The following SLC39A9 variants were observed in gnomAD, a reference collection of about 807,000 sequenced individuals.
The protein encoded by SLC39A9 is zinc transporter ZIP9.
SLC39A9 carries 14 observed loss-of-function variants against 28.4 expected under a neutral mutation model. The ratio of observed to expected loss-of-function variants is 0.49; its 90% CI spans 0.33 to 0.77. The LOEUF is 0.77. Ranked by LOEUF, SLC39A9 falls within the 30% of genes least tolerant of loss-of-function variation. SLC39A9 has a pLI of 0.02. For synonymous variants in SLC39A9, 119 were observed against 149.6 expected, an observed-to-expected ratio of 0.80 and a Z score of 1.49; for missense variants, 283 against 381.1, an observed-to-expected ratio of 0.74 and a Z score of 2.14.
chr14:69,431,669 A>G (rs1884501477), intron 2 of SLC39A9, among the ~76,000 whole-genome samples: 3 of 151,908 alleles, frequency 2.0e-5, no homozygotes, highest in African/African-American at 7.3e-5. Context: ...CCCATCACCC[A>G]GGCACTGAGC....
intron 1 of SLC39A9, among the ~76,000 whole-genome samples, chr14:69,405,408 C>G (rs1594898228): frequency 6.6e-6 from 1 of 152,166 alleles, no homozygotes; most frequent in Admixed American, 6.6e-5. Context: ...CTCTTACCCT[C>G]TTATGGTAAT....
rs1304113230 is a variant in SLC39A9 at position 69,459,237 on chromosome 14, G to A, written c.*644G>A. The stretch of plus-strand genomic sequence containing the variant: ...TAGAGGGATTTAAACAGCTCCTTTG[G>A]CACGTGCCTCTCTGAATCCAGCCTG... On this transcript the variant is annotated 3_prime_UTR_variant, in exon 7 of 7. Transcript: ENST00000336643. The A allele has an allele frequency of 1.0e-6, 1 of 985,328 alleles. No homozygotes were observed. Among genetic ancestry groups the A allele is most frequent in the African/African-American group, 1.7e-5 (1 of 57,250 alleles). 61.0% of individuals were successfully genotyped at this position (985,328 alleles called of 1,614,324 possible). A position where few individuals can be genotyped will look rare whatever the true frequency, so the allele number is the denominator to read the frequency against.
At chr14:69,440,690 T>G (rs537491720) in intron 2 of SLC39A9, among the ~76,000 whole-genome samples, 19 of 152,280 alleles carry the variant, frequency 1.2e-4, no homozygotes, top group African/African-American at 3.9e-4. Flanking sequence ...GTTTTGTTTT[T>G]TTGAGACAGA....
rs1885777158 is a variant in SLC39A9 at position 69,454,682 on chromosome 14, G to A, written c.473-130G>A. 1.2e-5 allele frequency: 7 copies of A among 604,888 alleles called. No individual in the cohort carries two copies. In the Admixed American group the frequency reaches 1.8e-4, roughly 16 times the overall value. 37.5% of individuals were successfully genotyped at this position (604,888 alleles called of 1,614,324 possible). On this transcript the variant is annotated intron_variant, in intron 4 of 6. Transcript: ENST00000336643. ...TGAACACATTTTAAAGATAAGGCTG[G>A]CATGTAGAAAGGTTAAGTAACATTA...
At chr14:69,432,020 A>G (rs1340871899) in intron 2 of SLC39A9, among the ~76,000 whole-genome samples, 4 of 152,212 alleles carry the variant, frequency 2.6e-5, no homozygotes, top group Non-Finnish European at 5.9e-5. Context: ...TGTGATGAAC[A>G]TAAGAGTGCA....
chr14:69,421,261 C>T (rs751557163), intron 1 of SLC39A9, among the ~76,000 whole-genome samples: 9 of 152,230 alleles, frequency 5.9e-5, no homozygotes, highest in South Asian at 2.1e-4. Flanking sequence ...GGTCCCTCAG[C>T]TGCAGGTCTG....
chr14:69,440,028 C>T (rs982563947), intron 2 of SLC39A9, among the ~76,000 whole-genome samples: 1 of 152,162 alleles, frequency 6.6e-6, no homozygotes, highest in Non-Finnish European at 1.5e-5. Flanking sequence ...AGGAAACTTA[C>T]AATCGTGGCG....
At chr14:69,439,609 T>C (rs1884946172) in intron 2 of SLC39A9, among the ~76,000 whole-genome samples, 16 of 152,188 alleles carry the variant, frequency 1.1e-4, no homozygotes, top group South Asian at 2.1e-4. Context: ...CCTCCACATC[T>C]AGTGTTGAAA....
intron 1 of SLC39A9, among the ~76,000 whole-genome samples, chr14:69,400,264 T>A (rs1214031583): frequency 6.6e-6 from 1 of 152,220 alleles, no homozygotes; most frequent in Non-Finnish European, 1.5e-5. Context: ...AGCCTTGGAA[T>A]TGATATTCTG....
At position 69,461,287 on chromosome 14, in the gene SLC39A9, ATTAAG is replaced by A; in HGVS notation, c.*2699_*2703del. The A allele has an allele frequency of 1.0e-6, 1 of 997,000 alleles. No homozygotes were observed. Among genetic ancestry groups the A allele is most frequent in the African/African-American group, 1.7e-5 (1 of 57,746 alleles). 61.8% of individuals were successfully genotyped at this position (997,000 alleles called of 1,614,324 possible). A position where few individuals can be genotyped will look rare whatever the true frequency, so the allele number is the denominator to read the frequency against. On this transcript the variant is annotated 3_prime_UTR_variant, in exon 7 of 7. Coordinates refer to ENST00000336643, the MANE Select transcript of SLC39A9 (RefSeq NM_018375.5). ...TTCCAAGTGCTCTCTTAAATGGCAA[ATTAAG>A]TTAAAGAATACTACTGCTCCATTCC...
intron 6 of SLC39A9, among the ~76,000 whole-genome samples, chr14:69,457,259 A>G (rs1367953511): frequency 1.3e-5 from 2 of 151,940 alleles, no homozygotes; most frequent in Admixed American, 6.6e-5. Flanking sequence ...CTGGAGTACA[A>G]TGGCGCAATC....
chr14:69,409,974 T>C (rs1883177353), intron 1 of SLC39A9, among the ~76,000 whole-genome samples: 1 of 152,202 alleles, frequency 6.6e-6, no homozygotes, highest in South Asian at 2.1e-4. Context: ...ATATTTACTA[T>C]TTTAGTCTGC....
intron 3 of SLC39A9, 41 bp downstream of exon 3, chr14:69,442,307 G>T: frequency 6.4e-7 from 1 of 1,571,120 alleles, no homozygotes; most frequent in Non-Finnish European, 8.7e-7. Context: ...CAATACATTT[G>T]CAGTTGAGAA....
At position 69,442,122 on chromosome 14, in the gene SLC39A9, G is replaced by A. The variant is rs773858383; in HGVS notation, c.259G>A (p.Ala87Thr). ...THNVIASDKA[A>T]EKSVVHEHEH... ...TAATGTGATTGCATCAGACAAAGCA[G>A]CAGAAAAATCAGTTGTCCATGAACA... Residue 87 changes from alanine to threonine, a missense_variant, in exon 3 of 7, where the codon GCA becomes ACA. Physicochemically the swap from Ala to Thr is moderately conservative, Grantham distance 58. Transcript: ENST00000336643. The A allele has an allele frequency of 4.3e-6, 7 of 1,614,088 alleles. No individual in the cohort carries two copies. Among genetic ancestry groups the A allele is most frequent in the Non-Finnish European group, 5.9e-6 (7 of 1,180,036 alleles).
intron 2 of SLC39A9, among the ~76,000 whole-genome samples, chr14:69,433,637 T>G (rs1056093911): frequency 6.6e-6 from 1 of 152,232 alleles, no homozygotes; most frequent in African/African-American, 2.4e-5. Flanking sequence ...ACTGTTCAAG[T>G]TACCTGTTTC....
At chr14:69,453,953 T>C (rs145659439) in intron 4 of SLC39A9, among the ~76,000 whole-genome samples, 3 of 152,354 alleles carry the variant, frequency 2.0e-5, no homozygotes, top group African/African-American at 4.8e-5. Context: ...TAGAATGTCA[T>C]CTGGAAAAGA....
chr14:69,442,329 A>G lies in SLC39A9; in HGVS notation c.403+63A>G, dbSNP rs911573032. On this transcript the variant is annotated intron_variant, in intron 3 of 6. Transcript: ENST00000336643. Reference sequence around the variant, plus strand: ...TTTGCAGTTGAGAAAGTTACAAACGATCAAATATTTCAGTCTGTATCAGTG... The same window carrying G: ...TTTGCAGTTGAGAAAGTTACAAACGGTCAAATATTTCAGTCTGTATCAGTG... 13 of 1,490,614 alleles carry G rather than the reference A, an allele frequency of 8.7e-6. 1 individual carries two copies. In the African/African-American group the frequency reaches 1.8e-4, roughly 21 times the overall value. 92.3% of individuals were successfully genotyped at this position (1,490,614 alleles called of 1,614,324 possible).
At chr14:69,401,270 G>A (rs1882617468) in intron 1 of SLC39A9, among the ~76,000 whole-genome samples, 1 of 152,200 alleles carries the variant, frequency 6.6e-6, no homozygotes, top group Admixed American at 6.5e-5. Context: ...CTGAGTAGCA[G>A]CTGTTAGGCA....
At chr14:69,424,621 T>G (rs1336324051) in intron 2 of SLC39A9, among the ~76,000 whole-genome samples, 1 of 152,002 alleles carries the variant, frequency 6.6e-6, no homozygotes, top group Non-Finnish European at 1.5e-5. Context: ...AAAGGATAAC[T>G]GAAAAAATTA....
Sources: gnomAD v4.1 joint callset for allele counts (sites outside exome capture counted in the v4.1 genomes callset) on GRCh38, gnomAD v4.1.1 for gene constraint, MANE v1.5 for transcripts, NCBI Gene and HGNC (gene_info 2026-07-23, HGNC 2026-07-21) for gene names.